The following MYO1H variants were observed in gnomAD, a reference collection of about 807,000 sequenced individuals.
The protein encoded by MYO1H is unconventional myosin-Ih.
A neutral mutation model predicts 149.3 loss-of-function variants in MYO1H; 118 were observed. That is an observed-to-expected ratio of 0.79 (90% CI 0.68 to 0.92). The LOEUF (loss-of-function observed/expected upper bound fraction) is 0.92, where lower values mean the gene tolerates loss of function less well. Among genes scored for constraint, MYO1H ranks in the 40% least tolerant of loss-of-function variants. The pLI is 0.00. For synonymous variants in MYO1H, 447 were observed against 465.2 expected (o/e 0.96, Z 0.50); for missense variants, 1,212 against 1,280.7 (o/e 0.95, Z 0.82).
At position 109,427,673 on chromosome 12, in the gene MYO1H, T is replaced by C. The variant is rs1871410386; in HGVS notation, c.1949+87T>C. ...GGGTTTAGTGGTAAATAAAATGGCA[T>C]CCCTTAGGAAGGCTCAGTTTGGTTG... On this transcript the variant is annotated intron_variant, in intron 19 of 31. Transcript: ENST00000310903. The C allele has an allele frequency of 6.4e-6, 6 of 934,854 alleles. No individual in the cohort carries two copies. In the South Asian group the frequency reaches 7.9e-5, roughly 12 times the overall value. 57.9% of individuals were successfully genotyped at this position (934,854 alleles called of 1,614,324 possible).
Position 109,443,513 on chromosome 12 carries a change from G to T in MYO1H, c.2689-1G>T, listed in dbSNP as rs1872334904. ...CTGGTGAAGTCACCTTCCCCTTGCA[G>T]TATGGTGTCCCGGTCATTAAATATG... On this transcript the variant is annotated splice_acceptor_variant, in intron 27 of 31. Transcript: ENST00000310903. LOFTEE classifies it high-confidence loss of function. The T allele has an allele frequency of 1.5e-5, 25 of 1,613,384 alleles. No homozygotes were observed. Among genetic ancestry groups the T allele is most frequent in the Non-Finnish European group, 2.1e-5 (25 of 1,179,580 alleles).
chr12:109,441,602 T>A lies in MYO1H; in HGVS notation c.2539-13T>A. ...TGGCTACCATTTTTATACTTTCAAT[T>A]GTGTATTACCAGATGCAGCAAAAGG... is the stretch of plus-strand genomic sequence containing the variant. On this transcript the variant is annotated splice_polypyrimidine_tract_variant and intron_variant, in intron 25 of 31. Transcript: ENST00000310903. 1 of 1,585,702 alleles carries A rather than the reference T, an allele frequency of 6.3e-7. No homozygotes were observed. The highest frequency in any genetic ancestry group is 8.6e-7 in the Non-Finnish European group (1 of 1,159,044).
chr12:109,419,283 T>A lies in MYO1H; in HGVS notation c.1598-1698T>A, dbSNP rs111551991. On this transcript the variant is annotated intron_variant, in intron 15 of 31. Coordinates refer to ENST00000310903, the Ensembl canonical transcript of MYO1H. The stretch of plus-strand genomic sequence containing the variant: ...CCATGTGTTGGTGGGGAGTTTTCCA[T>A]GTGCCGGGTGCTAGGCAGATGTGGT... 1.8e-3 allele frequency among the ~76,000 whole-genome samples: 272 copies of A among 152,216 alleles called. 4 individuals carry two copies. Among genetic ancestry groups the A allele is most frequent in the African/African-American group, 6.3e-3 (260 of 41,540 alleles).
At chr12:109,445,408 G>T (rs1872437570) in intron 30 of MYO1H, 105 bp from the exon 31 acceptor site, 1 of 845,586 alleles carries the variant, frequency 1.2e-6, no homozygotes, top group Non-Finnish European at 1.8e-6. Flanking sequence ...ACAGGAATTT[G>T]ATCTTGAAAC....
exon 3 of MYO1H, chr12:109,393,387 C>CACTGTGAGCCAGATGGAACTTTATCAA (rs771426884): frequency 3.1e-6 from 5 of 1,589,080 alleles, no homozygotes; most frequent in Non-Finnish European, 4.3e-6. Flanking sequence ...TCGGAATCTA[C>CACTGTGAGCCAGATGGAACTTTATCAA]ACTGTGAGCC....
rs186802670 is a variant in MYO1H, at chr12:109,348,750, C to T, written c.12+778C>T. On this transcript the variant is annotated intron_variant, in intron 1 of 31. Transcript: ENST00000310903. Reference sequence around the variant, plus strand: ...TTCTGGGTTTCGATAGCATAATCATCTCATGTGTTCTCTGTTTAGAAAACA... The same window carrying T: ...TTCTGGGTTTCGATAGCATAATCATTTCATGTGTTCTCTGTTTAGAAAACA... 2.2e-3 allele frequency among the ~76,000 whole-genome samples: 338 copies of T among 152,338 alleles called. 3 individuals carry two copies. The highest frequency in any genetic ancestry group is 3.9e-3 in the Non-Finnish European group (267 of 68,038).
intron 31 of MYO1H, 112 bp from the exon 32 acceptor site, chr12:109,447,047 C>A: frequency 9.0e-7 from 1 of 1,109,672 alleles, no homozygotes; most frequent in South Asian, 1.3e-5. Context: ...ACTGGCTTCT[C>A]ACAGGCCCTC....
At position 109,439,701 on chromosome 12, in the gene MYO1H, C is replaced by T. The variant is rs74528155; in HGVS notation, c.2365C>T (p.Arg789Trp). The T allele has an allele frequency of 2.9e-3, 4,602 of 1,613,624 alleles. 131 individuals are homozygous for T. In the East Asian group the frequency reaches 0.054, roughly 19 times the overall value. The change falls in exon 24 of 32, where the codon CGG becomes TGG. Residue 789 changes from arginine (R) to tryptophan (W), a missense_variant. Arg to Trp is a moderately radical substitution (Grantham distance 101). Coordinates refer to ENST00000310903, the Ensembl canonical transcript of MYO1H. ...CAACGAGGAATTTATCGTGTTTGTG[C>T]GGAAGAATTACATCTTGAATCTCCG...
At chr12:109,370,127 A>G (rs1280772349) in intron 1 of MYO1H, among the ~76,000 whole-genome samples, 3 of 152,104 alleles carry the variant, frequency 2.0e-5, no homozygotes, top group Non-Finnish European at 2.9e-5. Flanking sequence ...ACAACTCAAG[A>G]TGAGATTTGG....
intron 30 of MYO1H, 142 bp from the exon 31 acceptor site, chr12:109,445,371 A>C (rs1592825841): frequency 1.5e-6 from 1 of 658,030 alleles, no homozygotes; most frequent in East Asian, 2.9e-5. Context: ...TCCTTTCCTC[A>C]AATATGCAAT....
At chr12:109,339,264 C>G in the MYO1H span, among the ~76,000 whole-genome samples, 1 of 152,204 alleles carries the variant, frequency 6.6e-6, no homozygotes, top group East Asian at 1.9e-4. Context: ...GTGCAGGAGA[C>G]TGAGGCAGGA....
chr12:109,313,729 A>G, the MYO1H span, among the ~76,000 whole-genome samples: 1 of 152,210 alleles, frequency 6.6e-6, no homozygotes, highest in African/African-American at 2.4e-5. Flanking sequence ...CAAGCCTGTT[A>G]TGGACTATGA....
At position 109,411,951 on chromosome 12, in the gene MYO1H, G is replaced by A. The variant is rs778399945; in HGVS notation, c.1468G>A (p.Glu490Lys). 1.9e-6 allele frequency: 3 copies of A among 1,605,302 alleles called. No individual in the cohort carries two copies. The East Asian group carries it at 6.7e-5, about 36-fold the overall frequency. Reference sequence around the variant, plus strand: ...AGACTTGAGTTTCCTGGAGAAATTGGAAGAGAAAGTGGGCAAACATGCACA... The same window carrying A: ...AGACTTGAGTTTCCTGGAGAAATTGAAAGAGAAAGTGGGCAAACATGCACA... The change falls in exon 14 of 32, where the codon GAA becomes AAA. Residue 490 changes from glutamate to lysine, a missense_variant. Transcript: ENST00000310903.
chr12:109,316,933 T>C, the MYO1H span, among the ~76,000 whole-genome samples: 2 of 152,218 alleles, frequency 1.3e-5, no homozygotes, highest in South Asian at 4.1e-4. Context: ...TAGATTCCAT[T>C]TGAATTTGTT....
intron 5 of MYO1H, among the ~76,000 whole-genome samples, chr12:109,400,757 C>G (rs574490635): frequency 1.3e-5 from 2 of 152,122 alleles, no homozygotes; most frequent in Non-Finnish European, 2.9e-5. Context: ...ATAAATGGCA[C>G]AGATCAACTG....
intron 22 of MYO1H, among the ~76,000 whole-genome samples, chr12:109,438,086 T>TAAAAAAAAAAAAAAAAAAAAAAAAAAAAA (rs58487735): frequency 1.0e-5 from 1 of 96,914 alleles, no homozygotes; most frequent in African/African-American, 4.5e-5. Context: ...AGGCTCTGTC[T>TAAAAAAAAAAAAAAAAAAAAAAAAAAAAA]AAAAAAAAAA....
intron 14 of MYO1H, among the ~76,000 whole-genome samples, chr12:109,414,027 G>T (rs750701040): frequency 2.6e-5 from 4 of 152,176 alleles, no homozygotes; most frequent in Non-Finnish European, 4.4e-5. Flanking sequence ...GGCTCAAAGT[G>T]GGGGTTCTCA....
chr12:109,335,508 TC>T, the MYO1H span, among the ~76,000 whole-genome samples: 1 of 151,840 alleles, frequency 6.6e-6, no homozygotes, highest in Non-Finnish European at 1.5e-5. Flanking sequence ...TCAAACCCTA[TC>T]CCCCGTCAAT....
the MYO1H span, among the ~76,000 whole-genome samples, chr12:109,342,541 C>CTTTT: frequency 2.9e-3 from 288 of 100,526 alleles, 14 homozygotes; most frequent in African/African-American, 0.011. Flanking sequence ...CTTCAGGAGA[C>CTTTT]TTTTTTTTTT....
Sources: gnomAD v4.1 joint callset for allele counts (sites outside exome capture counted in the v4.1 genomes callset) on GRCh38, gnomAD v4.1.1 for gene constraint, MANE v1.5 for transcripts, NCBI Gene and HGNC (gene_info 2026-07-23, HGNC 2026-07-21) for gene names.